CGNL1: variants seen among roughly 807,000 people sequenced by gnomAD.
CGNL1 encodes cingulin-like protein 1.
Under a neutral mutation model 141.2 loss-of-function variants are expected in CGNL1, and 132 were observed. That is an observed-to-expected ratio of 0.93 (90% CI 0.81 to 1.08). The LOEUF is 1.08. Ranked by LOEUF, CGNL1 falls within the 50% of genes least tolerant of loss-of-function variation. The pLI is 0.00. For synonymous variants in CGNL1, 690 were observed against 622.1 expected, an observed-to-expected ratio of 1.11 and a Z score of -1.63; for missense variants, 1,870 against 1,588.6, an observed-to-expected ratio of 1.18 and a Z score of -3.01.
At chr15:57,442,123 C>G (rs2063194850) in intron 3 of CGNL1, among the ~76,000 whole-genome samples, 1 of 141,504 alleles carries the variant, frequency 7.1e-6, no homozygotes, top group Admixed American at 7.6e-5. Flanking sequence ...TTATGTGCCT[C>G]TCACATATTT....
chr15:57,413,350 C>T (rs1335706867), intron 1 of CGNL1, among the ~76,000 whole-genome samples: 1 of 150,064 alleles, frequency 6.7e-6, no homozygotes, highest in Non-Finnish European at 1.5e-5. Flanking sequence ...AATCATGGCT[C>T]ACTGCAGCCA....
chr15:57,538,844 A>T, intron 14 of CGNL1, among the ~76,000 whole-genome samples: 1 of 152,222 alleles, frequency 6.6e-6, no homozygotes, highest in East Asian at 1.9e-4. Context: ...TTCTTCCTTT[A>T]TTGAGAGTCC....
At chr15:57,539,851 A>G (rs1024048594) in intron 14 of CGNL1, among the ~76,000 whole-genome samples, 6 of 152,176 alleles carry the variant, frequency 3.9e-5, no homozygotes, top group Admixed American at 1.3e-4. Flanking sequence ...TTCCACCGGC[A>G]TCGCCCAGTT....
intron 8 of CGNL1, among the ~76,000 whole-genome samples, chr15:57,473,890 CT>C (rs2063614850): frequency 9.2e-6 from 1 of 109,254 alleles, no homozygotes; most frequent in Admixed American, 1.0e-4. Context: ...TCTTCTTCTT[CT>C]TCTTCTTCTT....
chr15:57,546,435 C>T (rs895122825), intron 18 of CGNL1, among the ~76,000 whole-genome samples, 196 bp downstream of exon 18: 3 of 152,170 alleles, frequency 2.0e-5, no homozygotes, highest in Non-Finnish European at 4.4e-5. Flanking sequence ...TCATGCATGT[C>T]ATTCTTATAC....
intron 14 of CGNL1, among the ~76,000 whole-genome samples, chr15:57,542,082 G>A (rs2032596858): frequency 1.3e-5 from 2 of 152,176 alleles, no homozygotes; most frequent in Admixed American, 6.5e-5. Context: ...GCAAATGCAA[G>A]CCTGGCCCAA....
intron 8 of CGNL1, among the ~76,000 whole-genome samples, chr15:57,503,765 G>C (rs762050727): frequency 6.6e-6 from 1 of 152,164 alleles, no homozygotes; most frequent in Non-Finnish European, 1.5e-5. Context: ...GAGAAAATGA[G>C]GAAGATACAG....
At chr15:57,503,168 G>A (rs1230078265) in intron 8 of CGNL1, among the ~76,000 whole-genome samples, 1 of 152,184 alleles carries the variant, frequency 6.6e-6, no homozygotes, top group Non-Finnish European at 1.5e-5. Flanking sequence ...AGGGCCAGGC[G>A]GGGGCTGCCA....
chr15:57,482,937 A>C (rs1440957602), intron 8 of CGNL1, among the ~76,000 whole-genome samples: 1 of 152,036 alleles, frequency 6.6e-6, no homozygotes, highest in Non-Finnish European at 1.5e-5. Flanking sequence ...GGCAGCCGCC[A>C]CCTCGCCTGG....
chr15:57,394,721 C>T (rs1050408666), intron 1 of CGNL1, among the ~76,000 whole-genome samples: 11 of 152,206 alleles, frequency 7.2e-5, no homozygotes, highest in African/African-American at 2.4e-4. Context: ...TAGTCAGGTG[C>T]ATTCAGGGTG....
At chr15:57,432,760 C>T (rs2152298069) in intron 1 of CGNL1, among the ~76,000 whole-genome samples, 1 of 152,326 alleles carries the variant, frequency 6.6e-6, no homozygotes, top group African/African-American at 2.4e-5. Context: ...TTGCTTAAGA[C>T]ACCAGTGCCC....
intron 8 of CGNL1, among the ~76,000 whole-genome samples, chr15:57,469,561 A>C (rs1398183609): frequency 6.6e-6 from 1 of 151,922 alleles, no homozygotes; most frequent in Non-Finnish European, 1.5e-5. Flanking sequence ...TTTCTAAAAG[A>C]AGGCTATTTT....
intron 1 of CGNL1, among the ~76,000 whole-genome samples, chr15:57,390,837 T>C (rs1706390): frequency 0.92 from 139,268 of 151,944 alleles, 64,380 homozygotes; most frequent in East Asian, 1. Flanking sequence ...TTCTTCGGGT[T>C]AGCCATCATG....
Position 57,469,438 on chromosome 15 carries a change from G to A in CGNL1, c.2403+7546G>A, listed in dbSNP as rs919726736. ...GAAGCGAAGGGGGCCGAGGGCCTGA[G>A]GAGGAAGAGAAGACACAGACACAGA... On this transcript the variant is annotated intron_variant, in intron 8 of 18. Coordinates refer to ENST00000281282, the MANE Select transcript of CGNL1 (RefSeq NM_032866.5). 4.6e-5 allele frequency among the ~76,000 whole-genome samples: 7 copies of A among 151,326 alleles called. No individual in the cohort carries two copies. In the East Asian group the frequency reaches 1.4e-3, roughly 29 times the overall value.
chr15:57,386,604 C>G (rs1162558907), intron 1 of CGNL1, among the ~76,000 whole-genome samples: 1 of 152,112 alleles, frequency 6.6e-6, no homozygotes, highest in African/African-American at 2.4e-5. Context: ...CTGTGTACAA[C>G]CTTTGGCTTT....
chr15:57,545,620 C>T lies in CGNL1; in HGVS notation c.3529C>T (p.Arg1177Trp), dbSNP rs764467942. 38 of 1,613,498 alleles carry T rather than the reference C, an allele frequency of 2.4e-5. No homozygotes were observed. The highest frequency in any genetic ancestry group is 1.7e-4 in the Admixed American group (10 of 59,988). The change falls in exon 17 of 19, where the codon CGG (arginine) becomes TGG (tryptophan). Residue 1177 changes from arginine (R) to tryptophan (W), a missense_variant. By Grantham distance (101) the Arg-to-Trp change is moderately radical. Coordinates refer to ENST00000281282, the MANE Select transcript of CGNL1 (RefSeq NM_032866.5). ...TCGGGCCAATCTTCAGCTCAGCAAC[C>T]GGCGGCTGGAGCGGAAAGTGAAGGA... ...RDRANLQLSN[R>W]RLERKVKELV...
At chr15:57,437,939 T>C (rs1242548868) in intron 1 of CGNL1, 46 bp from the exon 2 acceptor site, 2 of 1,474,008 alleles carry the variant, frequency 1.4e-6, no homozygotes, top group Non-Finnish European at 1.8e-6. Flanking sequence ...TAAACAGATG[T>C]AATTCTAACC....
intron 1 of CGNL1, among the ~76,000 whole-genome samples, chr15:57,415,354 G>A (rs2062837339): frequency 6.6e-6 from 1 of 152,172 alleles, no homozygotes; most frequent in Non-Finnish European, 1.5e-5. Context: ...TGGGAGACAG[G>A]GAGGCAGGAA....
intron 14 of CGNL1, among the ~76,000 whole-genome samples, chr15:57,543,059 C>T (rs1179720389): frequency 6.6e-6 from 1 of 152,140 alleles, no homozygotes; most frequent in East Asian, 1.9e-4. Context: ...TCTATTGTCT[C>T]ATGGTTCTGG....
Sources: gnomAD v4.1 joint callset for allele counts (sites outside exome capture counted in the v4.1 genomes callset) on GRCh38, gnomAD v4.1.1 for gene constraint, MANE v1.5 for transcripts, NCBI Gene and HGNC (gene_info 2026-07-23, HGNC 2026-07-21) for gene names.